Variants in TBC1D8 observed in about 807,000 individuals in gnomAD.
The protein encoded by TBC1D8 is BUB2-like protein 1.
In TBC1D8, 65 loss-of-function variants were observed where a neutral mutation model predicts 118.8. That is an observed-to-expected ratio of 0.55 (90% CI 0.45 to 0.67). The LOEUF (loss-of-function observed/expected upper bound fraction) is 0.67. Ranked by LOEUF, TBC1D8 falls within the 30% of genes least tolerant of loss-of-function variation. The pLI is 0.00. For synonymous variants in TBC1D8, 566 were observed against 595.8 expected, an observed-to-expected ratio of 0.95 and a Z score of 0.73; for missense variants, 1,376 against 1,471.2, an observed-to-expected ratio of 0.94 and a Z score of 1.06.
chr2:101,017,142 CAG>C (rs1353804315), intron 17 of TBC1D8, among the ~76,000 whole-genome samples: 1 of 151,670 alleles, frequency 6.6e-6, no homozygotes, highest in Non-Finnish European at 1.5e-5. Context: ...TCGTCAATAT[CAG>C]TGTCTTCCAC....
At chr2:101,022,604 TACTC>T (rs1249033306) in intron 15 of TBC1D8, 83 bp from the exon 16 acceptor site, 6 of 1,445,984 alleles carry the variant, frequency 4.1e-6, no homozygotes, top group African/African-American at 3.6e-5. Context: ...AATAATAAAT[TACTC>T]ACAATCTCAC....
At chr2:101,098,829 A>T (rs1190263977) in intron 1 of TBC1D8, among the ~76,000 whole-genome samples, 3 of 152,184 alleles carry the variant, frequency 2.0e-5, no homozygotes, top group Non-Finnish European at 2.9e-5. Context: ...ACAAAAAGAC[A>T]ACGTACCAGA....
intron 5 of TBC1D8, among the ~76,000 whole-genome samples, chr2:101,046,978 A>T (rs1038208787): frequency 1.3e-5 from 2 of 152,216 alleles, no homozygotes; most frequent in Non-Finnish European, 2.9e-5. Flanking sequence ...CAAAAAAAAC[A>T]GCCGAATACA....
At chr2:101,102,503 C>A in intron 1 of TBC1D8, among the ~76,000 whole-genome samples, 2 of 144,832 alleles carry the variant, frequency 1.4e-5, no homozygotes, top group African/African-American at 2.5e-5. Context: ...CTAAGTACAC[C>A]AACTAAATGA....
rs545631723 is a variant in TBC1D8 at position 101,145,728 on chromosome 2, A to T, written c.127+5399T>A. 3.3e-5 allele frequency among the ~76,000 whole-genome samples: 5 copies of T among 152,280 alleles called. No homozygotes were observed. In the East Asian group the frequency reaches 9.6e-4, roughly 29 times the overall value. On this transcript the variant is annotated intron_variant, in intron 1 of 19. Transcript: ENST00000409318. ...CTGGAGGCACAGCATGAGCACTCAC[A>T]CTCAACATTTGAAACAAGGTGAAGC...
chr2:101,110,038 T>C, intron 1 of TBC1D8: 1 of 984,250 alleles, frequency 1.0e-6, no homozygotes. Flanking sequence ...AGCACAACAC[T>C]CCTATTTTTA....
In TBC1D8 at chr2:101,022,616, C is replaced by T. The variant is rs1201534580; in HGVS notation, c.2521-95G>A. ...TACAATAATAAATTACTCACAATCT[C>T]ACCACTCTAACTGGATACGTAAAAG... On this transcript the variant is annotated intron_variant, in intron 15 of 19. Coordinates refer to ENST00000409318, the MANE Select transcript of TBC1D8 (RefSeq NM_001330348.2). 4 of 1,476,692 alleles carry T rather than the reference C, an allele frequency of 2.7e-6. No homozygotes were observed. In the Admixed American group the frequency reaches 8.6e-5, roughly 32 times the overall value. 91.5% of individuals were successfully genotyped at this position (1,476,692 alleles called of 1,614,324 possible). A position where few individuals can be genotyped will look rare whatever the true frequency, so the allele number is the denominator to read the frequency against.
intron 2 of TBC1D8, among the ~76,000 whole-genome samples, chr2:101,066,072 G>C (rs1682995985): frequency 6.6e-6 from 1 of 152,110 alleles, no homozygotes; most frequent in Admixed American, 6.6e-5. Flanking sequence ...ACCTGATCAG[G>C]AGTTTGAGAC....
Position 101,036,116 on chromosome 2 carries a change from C to T in TBC1D8, c.1505G>A (p.Gly502Asp), listed in dbSNP as rs1490208173. 1 of 1,613,998 alleles carries T rather than the reference C, an allele frequency of 6.2e-7. No homozygotes were observed. The highest frequency in any genetic ancestry group is 1.1e-5 in the South Asian group (1 of 91,080). The change falls in exon 9 of 20, where the codon GGC (glycine) becomes GAC (aspartate). Residue 502 changes from glycine to aspartate, a missense_variant. Physicochemically the swap from Gly to Asp is moderately conservative, Grantham distance 94 (BLOSUM62 -1). Coordinates refer to ENST00000409318, the MANE Select transcript of TBC1D8 (RefSeq NM_001330348.2). Reference protein sequence around the residue: ...SLWNDHFVEYGRTVCMFRTEK... With the variant: ...SLWNDHFVEYDRTVCMFRTEK... ...TGTGCGAAACATACACACGGTTCTG[C>T]CGTATTCCACAAAGTGGTCATTCCA...
chr2:101,027,342 G>C (rs370919688), intron 15 of TBC1D8, 41 bp downstream of exon 15: 3 of 1,594,916 alleles, frequency 1.9e-6, no homozygotes, highest in Non-Finnish European at 2.6e-6. Context: ...GCTCAGGCCA[G>C]CTCAGGGCCT....
intron 17 of TBC1D8, among the ~76,000 whole-genome samples, chr2:101,015,262 T>C (rs1433533237): frequency 1.3e-5 from 2 of 152,154 alleles, no homozygotes; most frequent in African/African-American, 2.4e-5. Context: ...ATGGTATACC[T>C]GTATAGACCA....
chr2:101,042,532 C>T (rs757316034), intron 5 of TBC1D8, among the ~76,000 whole-genome samples: 22 of 151,952 alleles, frequency 1.4e-4, no homozygotes, highest in Non-Finnish European at 2.8e-4. Context: ...TCAAGGGATC[C>T]CTGTGAATCT....
intron 1 of TBC1D8, among the ~76,000 whole-genome samples, chr2:101,119,557 C>T (rs1678008566): frequency 6.6e-6 from 1 of 152,198 alleles, no homozygotes; most frequent in Non-Finnish European, 1.5e-5. Context: ...GGCTGCAGTG[C>T]AGAGCCGGCC....
chr2:101,135,377 G>C (rs1329564458), intron 1 of TBC1D8, among the ~76,000 whole-genome samples: 7 of 151,304 alleles, frequency 4.6e-5, no homozygotes, highest in African/African-American at 1.7e-4. Flanking sequence ...TTTGTTATAA[G>C]CCATCTGAAC....
intron 4 of TBC1D8, among the ~76,000 whole-genome samples, chr2:101,053,856 G>A (rs1005612146): frequency 6.6e-6 from 1 of 152,206 alleles, no homozygotes; most frequent in South Asian, 2.1e-4. Context: ...ACAACTTACA[G>A]TAGTAAAAAC....
At chr2:101,070,416 ATTTT>A (rs67281797) in intron 2 of TBC1D8, among the ~76,000 whole-genome samples, 1 of 144,588 alleles carries the variant, frequency 6.9e-6, no homozygotes, top group Non-Finnish European at 1.5e-5. Context: ...AACAAATCTG[ATTTT>A]TTTTTTTTTT....
chr2:101,083,654 C>A (rs1253185113), intron 2 of TBC1D8, among the ~76,000 whole-genome samples: 1 of 152,158 alleles, frequency 6.6e-6, no homozygotes, highest in East Asian at 1.9e-4. Flanking sequence ...ACCTCAAAGG[C>A]CCTCCTATGT....
chr2:101,137,023 G>A (rs968001733), intron 1 of TBC1D8, among the ~76,000 whole-genome samples: 13 of 142,510 alleles, frequency 9.1e-5, no homozygotes, highest in African/African-American at 3.1e-4. Context: ...TTCATCACTA[G>A]GCTAATTCTT....
intron 2 of TBC1D8, among the ~76,000 whole-genome samples, chr2:101,061,064 C>T (rs1339959014): frequency 6.6e-6 from 1 of 151,530 alleles, no homozygotes; most frequent in African/African-American, 2.4e-5. Context: ...GGTGGGCCCC[C>T]CTAATCCCAG....
Sources: gnomAD v4.1 joint callset for allele counts (sites outside exome capture counted in the v4.1 genomes callset) on GRCh38, gnomAD v4.1.1 for gene constraint, MANE v1.5 for transcripts, NCBI Gene and HGNC (gene_info 2026-07-23, HGNC 2026-07-21) for gene names.